Variants in CETP observed in about 807,000 individuals in gnomAD.
CETP encodes the protein cholesteryl ester transfer protein.
Under a neutral mutation model 66.5 loss-of-function variants are expected in CETP, and 56 were observed. The ratio of observed to expected loss-of-function variants is 0.84; its 90% CI spans 0.68 to 1.05. CETP has a LOEUF of 1.05. Ranked by LOEUF, CETP falls within the 50% of genes least tolerant of loss-of-function variation. CETP has a pLI of 0.00. For synonymous variants in CETP, 251 were observed against 245.7 expected (o/e 1.02, Z -0.20); for missense variants, 612 against 609.6 (o/e 1.00, Z -0.04).
At chr16:56,969,563 C>G (rs2056093344) in intron 3 of CETP, 43 bp downstream of exon 3, 1 of 1,614,194 alleles carries the variant, frequency 6.2e-7, no homozygotes, top group Non-Finnish European at 8.5e-7. Context: ...CTGGCCCTCT[C>G]TGGGCTGGAG....
chr16:56,962,926 G>T, intron 1 of CETP, 84 bp from the exon 2 acceptor site: 1 of 1,193,182 alleles, frequency 8.4e-7, no homozygotes, highest in South Asian at 1.2e-5. Context: ...CAGAGAGGCT[G>T]AGTCATGGCC....
intron 1 of CETP, 34 bp from the exon 2 acceptor site, chr16:56,962,976 C>T (rs780242701): frequency 1.5e-5 from 23 of 1,583,114 alleles, no homozygotes; most frequent in Admixed American, 6.7e-5. Flanking sequence ...TTGGTGTGGG[C>T]CTGCAGCCCC....
chr16:56,972,210 TCATTCCTGATGCTCCTCCG>T, intron 8 of CETP, 127 bp downstream of exon 8: 1 of 699,530 alleles, frequency 1.4e-6, no homozygotes, highest in South Asian at 1.7e-5. Context: ...GCGCTCCTCC[TCATTCCTGATGCTCCTCCG>T]CATTCCTGAT....
intron 2 of CETP, 37 bp downstream of exon 2, chr16:56,963,161 G>C (rs1446948209): frequency 6.5e-7 from 1 of 1,538,018 alleles, no homozygotes; most frequent in Non-Finnish European, 9.0e-7. Context: ...GCTGGGGGTA[G>C]GGAGGCGGGA....
In CETP at chr16:56,973,370, C is replaced by T; in HGVS notation, c.790C>T (p.Leu264Phe). 4 of 1,614,198 alleles carry T rather than the reference C, an allele frequency of 2.5e-6. No individual in the cohort carries two copies. Among genetic ancestry groups the T allele is most frequent in the Non-Finnish European group, 3.4e-6 (4 of 1,180,044 alleles). ...IYKNVSEDLP[L>F]PTFSPTLLGD... Reference sequence around the variant, plus strand: ...CAAGAATGTCTCAGAGGACCTCCCCCTCCCCACCTTCTCGCCCACACTGCT... The same window carrying T: ...CAAGAATGTCTCAGAGGACCTCCCCTTCCCCACCTTCTCGCCCACACTGCT... The change falls in exon 9 of 16, where the codon CTC becomes TTC. Residue 264 changes from leucine (L) to phenylalanine (F), a missense_variant. Coordinates refer to ENST00000200676, the MANE Select transcript of CETP (RefSeq NM_000078.3).
At chr16:56,978,339 A>G (rs2056165156) in intron 11 of CETP, 84 bp downstream of exon 11, 2 of 1,533,792 alleles carry the variant, frequency 1.3e-6, no homozygotes, top group African/African-American at 1.4e-5. Flanking sequence ...GGGGTCTCTG[A>G]AGCCTCCAGA....
rs776597141 is a variant in CETP, at chr16:56,983,545, G to A, written c.1408-47G>A. 2.5e-6 allele frequency: 4 copies of A among 1,607,280 alleles called. No homozygotes were observed. The South Asian group carries it at 4.4e-5, about 18-fold the overall frequency. ...CAGCTTGGCTCCCTCCTGGTGGCCTGGGAGTCAGCCCAGCTCGCCCCTCTC... is the reference window on the plus strand; with the variant it reads ...CAGCTTGGCTCCCTCCTGGTGGCCTAGGAGTCAGCCCAGCTCGCCCCTCTC... On this transcript the variant is annotated intron_variant, in intron 15 of 15. Coordinates refer to ENST00000200676, the MANE Select transcript of CETP (RefSeq NM_000078.3).
At chr16:56,980,611 A>C (rs971512604) in intron 11 of CETP, among the ~76,000 whole-genome samples, 3 of 152,114 alleles carry the variant, frequency 2.0e-5, no homozygotes, top group Non-Finnish European at 4.4e-5. Flanking sequence ...AATCTGAAAC[A>C]TTGAGCATTT....
chr16:56,968,531 TA>T (rs1483940979), intron 2 of CETP, among the ~76,000 whole-genome samples: 5 of 152,222 alleles, frequency 3.3e-5, no homozygotes, highest in Non-Finnish European at 7.3e-5. Flanking sequence ...GGTGTATTGA[TA>T]CTCTTCCGAA....
intron 2 of CETP, among the ~76,000 whole-genome samples, chr16:56,968,865 C>A (rs2056087192): frequency 6.9e-6 from 1 of 145,476 alleles, no homozygotes; most frequent in African/African-American, 2.5e-5. Context: ...CTGATTACTT[C>A]CTTCCTTCTG....
chr16:56,972,967 A>T (rs2056123146), intron 8 of CETP, among the ~76,000 whole-genome samples: 1 of 152,018 alleles, frequency 6.6e-6, no homozygotes, highest in African/African-American at 2.4e-5. Context: ...GGCCTCCAGG[A>T]GCCGATGGTC....
chr16:56,969,517 G>C lies in CETP; in HGVS notation c.365G>C (p.Trp122Ser), dbSNP rs1175045864. ...GTLKYGYTTA[W>S]WLGIDQSIDF... Reference sequence around the variant, plus strand: ...CTGAAGTATGGCTACACCACTGCCTGGTGGTAAGCATTCCTGTCAGCTGAT... The same window carrying C: ...CTGAAGTATGGCTACACCACTGCCTCGTGGTAAGCATTCCTGTCAGCTGAT... Residue 122 changes from tryptophan to serine, a missense_variant, in exon 3 of 16, where the codon TGG (tryptophan) becomes TCG (serine). Trp to Ser is a radical substitution (Grantham distance 177). Coordinates refer to ENST00000200676, the MANE Select transcript of CETP (RefSeq NM_000078.3). 2 of 1,614,208 alleles carry C rather than the reference G, an allele frequency of 1.2e-6. No homozygotes were observed. The highest frequency in any genetic ancestry group is 4.5e-5 in the East Asian group (2 of 44,892).
chr16:56,964,488 C>A (rs1382459275), intron 2 of CETP, among the ~76,000 whole-genome samples: 3 of 152,180 alleles, frequency 2.0e-5, no homozygotes, highest in African/African-American at 4.8e-5. Context: ...AACTCAGCCA[C>A]CTTCATGGCA....
In CETP at chr16:56,982,201, A is replaced by G. The variant is rs769247068; in HGVS notation, c.1285A>G (p.Met429Val). ...SESVQSFLQS[M>V]ITAVGIPEVM... ...GTCCGTCCAGAGCTTCCTGCAGTCA[A>G]TGATCACCGCTGTGGGCATCCCTGA... The change falls in exon 14 of 16, where the codon ATG becomes GTG. Residue 429 changes from methionine to valine, a missense_variant. By Grantham distance (21) the Met-to-Val change is conservative (BLOSUM62 1). Transcript: ENST00000200676. 6.2e-6 allele frequency: 10 copies of G among 1,614,034 alleles called. No individual in the cohort carries two copies. Among genetic ancestry groups the G allele is most frequent in the African/African-American group, 1.3e-5 (1 of 74,908 alleles).
chr16:56,973,573 C>T (rs779285308), intron 9 of CETP, 63 bp downstream of exon 9: 3 of 1,577,838 alleles, frequency 1.9e-6, no homozygotes, highest in Admixed American at 3.4e-5. Context: ...TGTGTGTGCA[C>T]ACGCATGGGG....
chr16:56,971,024 T>TCAG lies in CETP; in HGVS notation c.528-9_528-8insCAG, dbSNP rs1376138891. On this transcript the variant is annotated splice_polypyrimidine_tract_variant and intron_variant, in intron 5 of 15. Coordinates refer to ENST00000200676, the MANE Select transcript of CETP (RefSeq NM_000078.3). ...GTCAGGGGCTCATTGTGGTGCTTGCTGCCTTCAGGCCTGGGTGGATCAAGC... is the reference window on the plus strand; with the variant it reads ...GTCAGGGGCTCATTGTGGTGCTTGCTCAGGCCTTCAGGCCTGGGTGGATCAAGC... The TCAG allele has an allele frequency of 1.9e-6, 3 of 1,614,024 alleles. No individual in the cohort carries two copies. The Admixed American group carries it at 5.0e-5, about 27-fold the overall frequency.
At chr16:56,980,810 T>C (rs2056181861) in intron 11 of CETP, among the ~76,000 whole-genome samples, 1 of 152,128 alleles carries the variant, frequency 6.6e-6, no homozygotes, top group Non-Finnish European at 1.5e-5. Context: ...TAGTCCTAGC[T>C]ACTTGGGAGG....
At position 56,973,379 on chromosome 16, in the gene CETP, T is replaced by G; in HGVS notation, c.799T>G (p.Phe267Val). The G allele has an allele frequency of 2.5e-6, 4 of 1,614,202 alleles. No homozygotes were observed. The highest frequency in any genetic ancestry group is 3.4e-6 in the Non-Finnish European group (4 of 1,180,032). ...CTCAGAGGACCTCCCCCTCCCCACC[T>G]TCTCGCCCACACTGCTGGGGGACTC... ...NVSEDLPLPT[F>V]SPTLLGDSRM... is the part of the protein sequence containing the mutation. The change falls in exon 9 of 16, where the codon TTC (phenylalanine) becomes GTC (valine). Residue 267 changes from phenylalanine (F) to valine (V), a missense_variant. Coordinates refer to ENST00000200676, the MANE Select transcript of CETP (RefSeq NM_000078.3).
intron 11 of CETP, among the ~76,000 whole-genome samples, chr16:56,979,831 T>C (rs2056175673): frequency 6.6e-6 from 1 of 152,088 alleles, no homozygotes; most frequent in Non-Finnish European, 1.5e-5. Context: ...CATTAAGAAC[T>C]AAAGACAAGA....
Sources: allele counts gnomAD v4.1 joint callset (sites outside exome capture counted in the v4.1 genomes callset), GRCh38; gene constraint gnomAD v4.1.1; transcripts MANE v1.5; gene names NCBI Gene and HGNC (gene_info 2026-07-23, HGNC 2026-07-21).